CD8A: variants seen among roughly 807,000 people sequenced by gnomAD.
CD8A encodes CD8 subunit alpha, also known as T-cell surface glycoprotein CD8 alpha chain.
In CD8A, 25 loss-of-function variants were observed where a neutral mutation model predicts 24.2. That is an observed-to-expected ratio of 1.03 (90% CI 0.75 to 1.44). The LOEUF (loss-of-function observed/expected upper bound fraction) is 1.44. Among genes scored for constraint, CD8A ranks in the 40% most tolerant of loss-of-function variants. The pLI, the probability that CD8A is intolerant of heterozygous loss-of-function variation, is 0.00. For synonymous variants in CD8A, 165 were observed against 149.9 expected, an observed-to-expected ratio of 1.10 and a Z score of -0.74; for missense variants, 360 against 319.7, an observed-to-expected ratio of 1.13 and a Z score of -0.96.
intron 2 of CD8A, among the ~76,000 whole-genome samples, chr2:86,802,150 G>C (rs760474515): frequency 3.3e-5 from 5 of 152,074 alleles, no homozygotes; most frequent in African/African-American, 7.2e-5. Context: ...TGAGTCTCTT[G>C]CTTCAGCCTC....
At chr2:86,787,761 G>A (rs1264422402) in intron 5 of CD8A, among the ~76,000 whole-genome samples, 1 of 152,214 alleles carries the variant, frequency 6.6e-6, no homozygotes, top group Non-Finnish European at 1.5e-5. Context: ...CAAAGTTGCT[G>A]TGAGGATTAA....
intron 3 of CD8A, among the ~76,000 whole-genome samples, chr2:86,798,178 C>CT (rs1215491737): frequency 0.022 from 3,114 of 142,850 alleles, 100 homozygotes; most frequent in African/African-American, 0.071. Context: ...AGCTTTCTTT[C>CT]TTTTTTTTTT....
intron 2 of CD8A, among the ~76,000 whole-genome samples, chr2:86,803,407 C>T (rs778290139): frequency 5.3e-5 from 8 of 151,948 alleles, no homozygotes; most frequent in Admixed American, 1.3e-4. Context: ...AATTGTGGTA[C>T]GGATATATAC....
At chr2:86,794,253 A>G (rs1270705831), upstream of CD8A, among the ~76,000 whole-genome samples, 1 of 152,212 alleles carries the variant, frequency 6.6e-6, no homozygotes, top group Non-Finnish European at 1.5e-5. Flanking sequence ...ACCAGTTTCT[A>G]TGCTGATTTA....
upstream of CD8A, among the ~76,000 whole-genome samples, chr2:86,792,571 T>TG (rs1268837481): frequency 1.3e-5 from 2 of 151,708 alleles, no homozygotes; most frequent in Non-Finnish European, 2.9e-5. Flanking sequence ...CTCGGCTCAC[T>TG]GCAGCCTCTA....
chr2:86,798,585 C>A (rs1009614349), intron 3 of CD8A, among the ~76,000 whole-genome samples: 2 of 151,522 alleles, frequency 1.3e-5, no homozygotes, highest in East Asian at 1.9e-4. Context: ...TGCAGTGGTG[C>A]GATCTCATCT....
intron 2 of CD8A, among the ~76,000 whole-genome samples, chr2:86,806,786 CA>C (rs1673917478): frequency 6.6e-6 from 1 of 152,166 alleles, no homozygotes; most frequent in African/African-American, 2.4e-5. Context: ...CGTCAGTTTG[CA>C]AAACATGGGA....
intron 5 of CD8A, among the ~76,000 whole-genome samples, chr2:86,788,065 A>G (rs893144314): frequency 2.6e-5 from 4 of 152,098 alleles, no homozygotes; most frequent in African/African-American, 9.7e-5. Flanking sequence ...GTTAGCAACC[A>G]AAGCCATTAT....
upstream of CD8A, among the ~76,000 whole-genome samples, chr2:86,793,770 G>T (rs972976020): frequency 6.6e-6 from 1 of 152,168 alleles, no homozygotes; most frequent in African/African-American, 2.4e-5. Context: ...GGCCAGATTT[G>T]GGGGTGTACT....
Position 86,790,524 on chromosome 2 carries a change from G to T in CD8A, c.207C>A (p.Phe69Leu). The change falls in exon 2 of 6, where the codon TTC becomes TTA. Residue 69 changes from phenylalanine (F) to leucine (L), a missense_variant. Physicochemically the swap from Phe to Leu is conservative, Grantham distance 22. Transcript: ENST00000283635. ...QPRGAAASPT[F>L]LLYLSQNKPK... is the part of the protein sequence containing the mutation. ...GCTTGTTTTGGGAGAGGTATAGGAG[G>T]AAGGTGGGACTGGCGGCGGCGCCGC... 3 of 1,614,032 alleles carry T rather than the reference G, an allele frequency of 1.9e-6. No individual in the cohort carries two copies. The highest frequency in any genetic ancestry group is 2.5e-6 in the Non-Finnish European group (3 of 1,180,018).
chr2:86,791,128 A>G (rs993892516), upstream of CD8A: 34 of 656,736 alleles, frequency 5.2e-5, no homozygotes, highest in African/African-American at 4.6e-4. Context: ...AAGGGCTTGG[A>G]AATAGTCCTT....
rs138190740 is a variant in CD8A at position 86,786,074 on chromosome 2, G to A, written c.657-103C>T. The A allele has an allele frequency of 4.9e-3, 4,470 of 918,960 alleles. 27 individuals carry two copies. The highest frequency in any genetic ancestry group is 6.3e-3 in the Non-Finnish European group (3,434 of 547,436). The allele number at this position is 918,960 out of a possible 1,614,324, so 56.9% of individuals were successfully genotyped here. ...CAATCCCCCAGCCTTTGAAAGGTCT[G>A]AGAACCTGTTCCTGGGGCACCAGCA... On this transcript the variant is annotated intron_variant, in intron 5 of 5. Transcript: ENST00000283635.
chr2:86,797,445 G>A (rs1673517451), intron 3 of CD8A, among the ~76,000 whole-genome samples: 1 of 152,180 alleles, frequency 6.6e-6, no homozygotes, highest in South Asian at 2.1e-4. Context: ...GAAGCACAGA[G>A]AGGACATCAA....
intron 2 of CD8A, among the ~76,000 whole-genome samples, chr2:86,806,537 C>T (rs1210982699): frequency 6.6e-6 from 1 of 152,190 alleles, no homozygotes; most frequent in Non-Finnish European, 1.5e-5. Flanking sequence ...CCCAGTAGAG[C>T]AGGAAAAAGA....
In CD8A at chr2:86,805,993, G is replaced by A. The variant is rs557371091; in HGVS notation, c.-418+1454C>T. Among the ~76,000 whole-genome samples, 10 of 151,884 alleles carry A rather than the reference G, an allele frequency of 6.6e-5. No individual in the cohort carries two copies. The South Asian group carries it at 2.1e-3, about 32-fold the overall frequency. On this transcript the variant is annotated intron_variant, in intron 2 of 8. Transcript: ENST00000409511. ...ACAATTGTCACAACAAAATGTGTAT[G>A]TGACAATTTGTTATCTTAAAACAGT... is the stretch of plus-strand genomic sequence containing the variant.
upstream of CD8A, chr2:86,791,801 C>T: frequency 2.6e-6 from 1 of 385,364 alleles, no homozygotes; most frequent in Admixed American, 3.0e-5. Flanking sequence ...GTCATTCAAC[C>T]CCTGCGCTCT....
intron 1 of CD8A, chr2:86,807,793 CGGA>C (rs1357063907): frequency 6.9e-6 from 1 of 144,084 alleles, no homozygotes; most frequent in Non-Finnish European, 1.5e-5. Flanking sequence ...CTAAAGGAGA[CGGA>C]GGAGGAGTGT....
rs1244955896 is a variant in CD8A at position 86,785,182 on chromosome 2, C to T, written c.*738G>A. On this transcript the variant is annotated 3_prime_UTR_variant, in exon 6 of 6. Coordinates refer to ENST00000283635, the MANE Select transcript of CD8A (RefSeq NM_001768.7). ...ATTCCGCCTCCACATAGGGGTTTCA[C>T]AGAGATTTTCTTTAGAGATAGAGGG... is the stretch of plus-strand genomic sequence containing the variant. The T allele has an allele frequency of 4.4e-6, 2 of 453,762 alleles. No individual in the cohort carries two copies. The highest frequency in any genetic ancestry group is 4.0e-5 in the African/African-American group (2 of 49,888). The allele number at this position is 453,762 out of a possible 1,614,324, so 28.1% of individuals were successfully genotyped here. A position where few individuals can be genotyped will look rare whatever the true frequency, so the allele number is the denominator to read the frequency against.
intron 5 of CD8A, 54 bp downstream of exon 5, chr2:86,788,476 G>C: frequency 6.9e-7 from 1 of 1,458,396 alleles, no homozygotes; most frequent in Non-Finnish European, 9.6e-7. Flanking sequence ...GGGAAACCAG[G>C]ACCCCACCCC....
Sources: gnomAD v4.1 joint callset for allele counts (sites outside exome capture counted in the v4.1 genomes callset) on GRCh38, gnomAD v4.1.1 for gene constraint, MANE v1.5 for transcripts, NCBI Gene and HGNC (gene_info 2026-07-23, HGNC 2026-07-21) for gene names.